The following FAM135B variants were observed in gnomAD, a reference collection of about 807,000 sequenced individuals.
FAM135B encodes family with sequence similarity 135 member B.
Under a neutral mutation model 127.7 loss-of-function variants are expected in FAM135B, and 43 were observed. The observed-to-expected ratio is 0.34, with a 90% CI of 0.26 to 0.43. The LOEUF is 0.43. FAM135B is among the 20% of genes least tolerant of loss of function. FAM135B has a pLI of 1.00. For missense variants in FAM135B, 1,558 were observed against 1,725.6 expected (o/e 0.90, Z 1.72); for synonymous variants, 670 against 665.1 (o/e 1.01, Z -0.11).
intron 7 of FAM135B, among the ~76,000 whole-genome samples, chr8:138,198,033 T>A (rs1816802389): frequency 6.6e-6 from 1 of 152,184 alleles, no homozygotes; most frequent in African/African-American, 2.4e-5. Context: ...CAAGCTGATA[T>A]GGTTTGGCTC....
intron 5 of FAM135B, among the ~76,000 whole-genome samples, chr8:138,252,877 G>C (rs1026110269): frequency 6.6e-6 from 1 of 152,172 alleles, no homozygotes; most frequent in Non-Finnish European, 1.5e-5. Context: ...TCGGCTCACT[G>C]CAACCTCTGC....
chr8:138,165,847 A>C (rs886317767), intron 12 of FAM135B, among the ~76,000 whole-genome samples: 7 of 152,174 alleles, frequency 4.6e-5, no homozygotes, highest in Non-Finnish European at 1.5e-5. Flanking sequence ...TAACTGCCAT[A>C]CACTATACTG....
At chr8:138,305,672 T>C (rs1354182887) in intron 3 of FAM135B, among the ~76,000 whole-genome samples, 1 of 152,226 alleles carries the variant, frequency 6.6e-6, no homozygotes, top group Non-Finnish European at 1.5e-5. Flanking sequence ...CATTCATCTT[T>C]GTATTTCTCA....
intron 1 of FAM135B, among the ~76,000 whole-genome samples, chr8:138,410,483 C>T (rs1833800123): frequency 6.6e-6 from 1 of 152,168 alleles, no homozygotes; most frequent in Non-Finnish European, 1.5e-5. Flanking sequence ...AGACAACAGC[C>T]TGTGGGAACA....
chr8:138,444,897 G>T (rs1238506860), intron 1 of FAM135B, among the ~76,000 whole-genome samples: 1 of 152,118 alleles, frequency 6.6e-6, no homozygotes, highest in Admixed American at 6.5e-5. Flanking sequence ...AAAATTGATA[G>T]ACCTCTAGCA....
At chr8:138,193,079 A>G (rs1409634508) in intron 9 of FAM135B, among the ~76,000 whole-genome samples, 1 of 152,048 alleles carries the variant, frequency 6.6e-6, no homozygotes, top group Non-Finnish European at 1.5e-5. Context: ...GCCACCACCC[A>G]CCACCACGTG....
At chr8:138,295,185 G>A (rs970944799) in intron 3 of FAM135B, among the ~76,000 whole-genome samples, 41 of 136,670 alleles carry the variant, frequency 3.0e-4, no homozygotes, top group African/African-American at 1.0e-3. Flanking sequence ...AAGGGCTGAC[G>A]TCTAGCTCAT....
At chr8:138,440,389 G>A (rs561221554) in intron 1 of FAM135B, 5 of 151,806 alleles carry the variant, frequency 3.3e-5, no homozygotes, top group Admixed American at 6.6e-5. Context: ...ATGGGTGCAA[G>A]ATAGTGACAA....
chr8:138,233,388 G>C (rs1820043185), intron 7 of FAM135B, among the ~76,000 whole-genome samples: 1 of 152,070 alleles, frequency 6.6e-6, no homozygotes, highest in African/African-American at 2.4e-5. Context: ...ACTGATCTTG[G>C]ATAAGGTGTT....
chr8:138,134,106 T>C (rs1440021750), intron 19 of FAM135B, among the ~76,000 whole-genome samples: 3 of 152,158 alleles, frequency 2.0e-5, no homozygotes, highest in Admixed American at 2.0e-4. Context: ...ATTTTATGTA[T>C]GAAATAGTCC....
chr8:138,406,633 A>G (rs112907517), intron 1 of FAM135B, among the ~76,000 whole-genome samples: 42,872 of 151,776 alleles, frequency 0.28, 6,366 homozygotes, highest in Non-Finnish European at 0.32. Flanking sequence ...GTAATCCAGC[A>G]TATAAACAGA....
chr8:138,153,261 T>A (rs1368132801), intron 12 of FAM135B, 45 bp from the exon 13 acceptor site: 1 of 1,420,720 alleles, frequency 7.0e-7, no homozygotes, highest in Non-Finnish European at 9.4e-7. Context: ...TGTAAGAATC[T>A]GTGTTTACAA....
chr8:138,317,933 C>T (rs550402372), intron 2 of FAM135B, among the ~76,000 whole-genome samples: 9 of 152,332 alleles, frequency 5.9e-5, no homozygotes, highest in South Asian at 2.1e-4. Context: ...TGGCTTATTA[C>T]GACCCCGCAG....
chr8:138,444,712 A>T (rs1448913713), intron 1 of FAM135B, among the ~76,000 whole-genome samples: 2 of 152,204 alleles, frequency 1.3e-5, no homozygotes, highest in Non-Finnish European at 2.9e-5. Flanking sequence ...AAGATCTAAA[A>T]TTGACACCCT....
At chr8:138,317,586 A>G (rs1274153098) in intron 2 of FAM135B, among the ~76,000 whole-genome samples, 1 of 152,242 alleles carries the variant, frequency 6.6e-6, no homozygotes, top group African/African-American at 2.4e-5. Context: ...CTCAAAATAA[A>G]GCATTTAATT....
chr8:138,292,852 G>A (rs1255543751), intron 3 of FAM135B, among the ~76,000 whole-genome samples: 1 of 151,914 alleles, frequency 6.6e-6, no homozygotes, highest in Non-Finnish European at 1.5e-5. Context: ...CAGATTCAAT[G>A]CAATTCCTAT....
At chr8:138,284,822 T>C (rs1448539916) in intron 3 of FAM135B, among the ~76,000 whole-genome samples, 2 of 151,950 alleles carry the variant, frequency 1.3e-5, no homozygotes, top group Non-Finnish European at 2.9e-5. Flanking sequence ...TACCTTTGTG[T>C]TATTATTTAC....
rs71316322 is a variant in FAM135B at position 138,142,288 on chromosome 8, C to CTTTT, written c.3638+720_3638+723dup. 2.6e-3 allele frequency among the ~76,000 whole-genome samples: 164 copies of CTTTT among 62,372 alleles called. 3 individuals carry two copies. The highest frequency in any genetic ancestry group is 4.2e-3 in the African/African-American group (71 of 17,068). 40.9% of individuals were successfully genotyped at this position (62,372 alleles called of 152,430 possible). The stretch of plus-strand genomic sequence containing the variant: ...GGGTGGGCAACTCATTCTGCTTCTT[C>CTTTT]TTTTTTTTTTTTTTTTTTTTTTTTT... On this transcript the variant is annotated intron_variant, in intron 16 of 19. Coordinates refer to ENST00000395297, the MANE Select transcript of FAM135B (RefSeq NM_015912.4).
In FAM135B at chr8:138,151,287, A is replaced by C. The variant is rs2130723283; in HGVS notation, c.3188T>G (p.Leu1063Arg). 4 of 1,613,794 alleles carry C rather than the reference A, an allele frequency of 2.5e-6. No individual in the cohort carries two copies. Among genetic ancestry groups the C allele is most frequent in the Non-Finnish European group, 3.4e-6 (4 of 1,179,902 alleles). ...CAAAGGCTGATGGGTGATGGGAAAC[A>C]GGGTCTGTTTGGAAGAGAATCCAGC... ...ARAGFSSKQT[L>R]FPITHQPLGS... The change falls in exon 13 of 20, where the codon CTG becomes CGG. Residue 1063 changes from leucine (L) to arginine (R), a missense_variant. Transcript: ENST00000395297.
Sources: allele counts gnomAD v4.1 joint callset (sites outside exome capture counted in the v4.1 genomes callset), GRCh38; gene constraint gnomAD v4.1.1; transcripts MANE v1.5; gene names NCBI Gene and HGNC (gene_info 2026-07-23, HGNC 2026-07-21).